Variants in DCLK2 observed in about 807,000 individuals in gnomAD.
DCLK2 encodes serine/threonine-protein kinase DCLK2.
A neutral mutation model predicts 78.4 loss-of-function variants in DCLK2; 31 were observed. The observed-to-expected ratio is 0.40, with a 90% confidence interval of 0.30 to 0.53. The LOEUF is 0.53. DCLK2 is among the 20% of genes least tolerant of loss of function. The pLI, the probability that DCLK2 is intolerant of heterozygous loss-of-function variation, is 0.61. For synonymous variants in DCLK2, 407 were observed against 374.9 expected (o/e 1.09, Z -0.99); for missense variants, 872 against 973.7 (o/e 0.90, Z 1.39).
chr4:150,196,239 A>G (rs1029025551), intron 3 of DCLK2, among the ~76,000 whole-genome samples: 1 of 152,188 alleles, frequency 6.6e-6, no homozygotes, highest in Non-Finnish European at 1.5e-5. Context: ...GATTGGTTCC[A>G]ATTCATAAAC....
intron 2 of DCLK2, among the ~76,000 whole-genome samples, chr4:150,177,243 TAGA>T (rs1415429172): frequency 3.9e-5 from 6 of 152,212 alleles, no homozygotes; most frequent in Non-Finnish European, 8.8e-5. Context: ...TTGTTTTCTC[TAGA>T]AGCTTAGATA....
chr4:150,174,789 G>T (rs1736824490), intron 2 of DCLK2, among the ~76,000 whole-genome samples: 2 of 150,932 alleles, frequency 1.3e-5, no homozygotes, highest in Non-Finnish European at 2.9e-5. Context: ...CTGAGGTCAG[G>T]AGTTCAAGAC....
chr4:150,102,603 G>A lies in DCLK2; in HGVS notation c.547G>A (p.Val183Met), dbSNP rs766952044. The A allele has an allele frequency of 3.8e-5, 62 of 1,613,998 alleles. No homozygotes were observed. The highest frequency in any genetic ancestry group is 4.5e-5 in the Non-Finnish European group (53 of 1,180,010). The change falls in exon 2 of 16, where the codon GTG becomes ATG. Residue 183 changes from valine (V) to methionine (M), a missense_variant. This residue lies in a region of DCLK2 where 567 missense variants were observed against 593.4 expected (regional missense o/e 0.96). Transcript: ENST00000296550. ...CCGAGCGCTGGCTGCTGCCTCCTCT[G>A]TGAAAAGTGAAGTAAAAGAAAGTAA... Reference protein sequence around the residue: ...TSRALAAASSVKSEVKESKDF... With the variant: ...TSRALAAASSMKSEVKESKDF...
chr4:150,167,688 T>G (rs567300962), intron 2 of DCLK2, among the ~76,000 whole-genome samples: 1 of 152,182 alleles, frequency 6.6e-6, no homozygotes, highest in Non-Finnish European at 1.5e-5. Flanking sequence ...GTCAGGCAGT[T>G]TAAAATAATG....
chr4:150,243,523 A>G, intron 12 of DCLK2, among the ~76,000 whole-genome samples: 1 of 152,242 alleles, frequency 6.6e-6, no homozygotes, highest in East Asian at 1.9e-4. Context: ...TAGATTGTCT[A>G]CATTTGTACT....
chr4:150,183,921 AT>A (rs1180821804), intron 2 of DCLK2, among the ~76,000 whole-genome samples: 1 of 151,854 alleles, frequency 6.6e-6, no homozygotes, highest in Non-Finnish European at 1.5e-5. Context: ...TTTTGTAGTG[AT>A]GGAGTTTCTC....
chr4:150,122,960 A>G (rs1231949791), intron 2 of DCLK2, among the ~76,000 whole-genome samples: 1 of 152,200 alleles, frequency 6.6e-6, no homozygotes, highest in African/African-American at 2.4e-5. Flanking sequence ...GAGCTTTGTC[A>G]CCACTCTCAG....
At chr4:150,250,128 A>G (rs1467272442) in intron 15 of DCLK2, among the ~76,000 whole-genome samples, 1 of 152,238 alleles carries the variant, frequency 6.6e-6, no homozygotes. Context: ...TTCAGTTTTA[A>G]AAAATCAGTG....
At chr4:150,241,507 T>C (rs1481608905) in intron 12 of DCLK2, among the ~76,000 whole-genome samples, 1 of 152,214 alleles carries the variant, frequency 6.6e-6, no homozygotes, top group African/African-American at 2.4e-5. Context: ...CTTTAATCTC[T>C]TCCCTTTGTT....
At chr4:150,095,074 A>T (rs952515715) in intron 1 of DCLK2, among the ~76,000 whole-genome samples, 2 of 152,284 alleles carry the variant, frequency 1.3e-5, no homozygotes, top group African/African-American at 4.8e-5. Context: ...TAAGCTCAGT[A>T]CAAAAAGAGT....
chr4:150,193,184 C>G lies in DCLK2; in HGVS notation c.803C>G (p.Ala268Gly). 1 of 1,611,234 alleles carries G rather than the reference C, an allele frequency of 6.2e-7. No individual in the cohort carries two copies. The highest frequency in any genetic ancestry group is 8.5e-7 in the Non-Finnish European group (1 of 1,178,172). ...DFFGDDDVFI[A>G]CGPEKFRYAQ... ...TTTGGTGATGACGATGTTTTTATTGCATGTGGACCAGAAAAATTTCGTTAT... is the reference window on the plus strand; with the variant it reads ...TTTGGTGATGACGATGTTTTTATTGGATGTGGACCAGAAAAATTTCGTTAT... Residue 268 changes from alanine to glycine, a missense_variant, in exon 3 of 16, where the codon GCA becomes GGA. Coordinates refer to ENST00000296550, the MANE Select transcript of DCLK2 (RefSeq NM_001040260.4).
In DCLK2 at chr4:150,250,853, C is replaced by T. The variant is rs567375038; in HGVS notation, c.2073+1169C>T. 8.3e-5 allele frequency among the ~76,000 whole-genome samples: 12 copies of T among 144,838 alleles called. No homozygotes were observed. The East Asian group carries it at 1.6e-3, about 20-fold the overall frequency. ...ATAAGGAAGCCACACACATAACCCA[C>T]ATCCCCACACCCCCAACATCCCCCA... is the stretch of plus-strand genomic sequence containing the variant. On this transcript the variant is annotated intron_variant, in intron 15 of 15. Coordinates refer to ENST00000296550, the MANE Select transcript of DCLK2 (RefSeq NM_001040260.4).
intron 8 of DCLK2, among the ~76,000 whole-genome samples, chr4:150,228,888 C>T (rs985265919): frequency 8.0e-4 from 121 of 151,746 alleles, no homozygotes; most frequent in African/African-American, 2.6e-3. Context: ...TAGCCAGGCG[C>T]GGTGGCGGGC....
intron 15 of DCLK2, among the ~76,000 whole-genome samples, chr4:150,252,014 C>T (rs1017246160): frequency 4.6e-5 from 7 of 152,050 alleles, no homozygotes; most frequent in Non-Finnish European, 7.3e-5. Context: ...ACTTTGGGGG[C>T]GCTCTGTGCC....
intron 2 of DCLK2, among the ~76,000 whole-genome samples, chr4:150,166,355 G>A (rs566658611): frequency 6.8e-6 from 1 of 146,750 alleles, no homozygotes; most frequent in South Asian, 2.1e-4. Flanking sequence ...TTAGCCAGGT[G>A]TGGTGGCATG....
chr4:150,252,634 C>T (rs1020159000), intron 15 of DCLK2, among the ~76,000 whole-genome samples: 3 of 152,174 alleles, frequency 2.0e-5, no homozygotes, highest in African/African-American at 7.2e-5. Context: ...TTTACAAATA[C>T]CATTTTCCAT....
At chr4:150,101,422 C>A (rs561240495) in intron 1 of DCLK2, among the ~76,000 whole-genome samples, 2 of 152,030 alleles carry the variant, frequency 1.3e-5, no homozygotes, top group East Asian at 3.9e-4. Flanking sequence ...CTCGGGAATT[C>A]TCTTTCACTA....
chr4:150,229,673 C>G (rs1202819259), intron 8 of DCLK2, among the ~76,000 whole-genome samples: 1 of 152,128 alleles, frequency 6.6e-6, no homozygotes, highest in Non-Finnish European at 1.5e-5. Flanking sequence ...TTAAAAATCA[C>G]CATGTCCAAA....
At chr4:150,126,185 G>A (rs79861316) in intron 2 of DCLK2, among the ~76,000 whole-genome samples, 4 of 142,240 alleles carry the variant, frequency 2.8e-5, no homozygotes, top group South Asian at 2.2e-4. Flanking sequence ...TGTGAGCAGC[G>A]GGCTAAGATA....
Sources: allele counts gnomAD v4.1 joint callset (sites outside exome capture counted in the v4.1 genomes callset), GRCh38; gene constraint gnomAD v4.1.1; regional missense constraint gnomAD v4.1.1; transcripts MANE v1.5; gene names NCBI Gene and HGNC (gene_info 2026-07-23, HGNC 2026-07-21).